Variants in ADGRL3 observed in about 807,000 individuals in gnomAD.
ADGRL3 encodes the protein calcium-independent alpha-latrotoxin receptor 3.
A neutral mutation model predicts 153.5 loss-of-function variants in ADGRL3; 62 were observed. The observed-to-expected ratio is 0.40, with a 90% CI of 0.33 to 0.50. ADGRL3 has a LOEUF of 0.50. Ranked by LOEUF, ADGRL3 falls within the 20% of genes least tolerant of loss-of-function variation. The pLI is 0.47. For synonymous variants in ADGRL3, 710 were observed against 672.5 expected (o/e 1.06, Z -0.86); for missense variants, 1,641 against 1,859.4 (o/e 0.88, Z 2.16).
At chr4:61,425,625 T>A (rs2097268075) in intron 2 of ADGRL3, among the ~76,000 whole-genome samples, 1 of 152,168 alleles carries the variant, frequency 6.6e-6, no homozygotes, top group Non-Finnish European at 1.5e-5. Flanking sequence ...CTGCCCAGGG[T>A]GGTGCTCCCC....
intron 22 of ADGRL3, among the ~76,000 whole-genome samples, chr4:62,030,758 T>G (rs1379752890): frequency 1.3e-5 from 2 of 151,498 alleles, no homozygotes; most frequent in Non-Finnish European, 3.0e-5. Context: ...TCCAAATGAC[T>G]GATTTCTAAA....
intron 1 of ADGRL3, among the ~76,000 whole-genome samples, chr4:61,317,614 G>A (rs1191851648): frequency 6.6e-6 from 1 of 152,118 alleles, no homozygotes; most frequent in Non-Finnish European, 1.5e-5. Flanking sequence ...TTGAAGGACA[G>A]AGGAGAATGA....
intron 8 of ADGRL3, among the ~76,000 whole-genome samples, chr4:61,779,633 C>CA (rs1174232668): frequency 0.1 from 4,238 of 42,000 alleles, 535 homozygotes; most frequent in Non-Finnish European, 0.11. Flanking sequence ...GACTCTGTCT[C>CA]AAAAAAAAAA....
chr4:61,607,896 G>T (rs2149629055), intron 5 of ADGRL3, among the ~76,000 whole-genome samples: 1 of 152,276 alleles, frequency 6.6e-6, no homozygotes, highest in South Asian at 2.1e-4. Context: ...TGTGGTTAGG[G>T]TTAGCCTGGC....
chr4:61,618,147 C>G (rs549356224), intron 5 of ADGRL3, among the ~76,000 whole-genome samples: 8 of 152,120 alleles, frequency 5.3e-5, no homozygotes, highest in Admixed American at 5.2e-4. Context: ...ACCTTAAAAC[C>G]AAGGGAGAGT....
intron 1 of ADGRL3, among the ~76,000 whole-genome samples, chr4:61,311,913 G>A (rs148434791): frequency 6.6e-5 from 10 of 152,248 alleles, no homozygotes; most frequent in African/African-American, 2.4e-4. Context: ...ATGTGTCAAT[G>A]CAGGTATATT....
intron 4 of ADGRL3, among the ~76,000 whole-genome samples, chr4:61,567,530 G>A (rs1328479099): frequency 6.6e-6 from 1 of 152,124 alleles, no homozygotes; most frequent in African/African-American, 2.4e-5. Context: ...TATGAGGAAG[G>A]GGTCCTCACT....
At chr4:61,606,412 C>G (rs933940997) in intron 5 of ADGRL3, among the ~76,000 whole-genome samples, 5 of 152,154 alleles carry the variant, frequency 3.3e-5, no homozygotes, top group African/African-American at 1.2e-4. Context: ...AATGTATTTT[C>G]TCACATTTCT....
At chr4:61,436,340 T>C (rs2097445096) in intron 2 of ADGRL3, among the ~76,000 whole-genome samples, 1 of 152,192 alleles carries the variant, frequency 6.6e-6, no homozygotes, top group Non-Finnish European at 1.5e-5. Context: ...CTTCTTAACT[T>C]ACATTTTGGA....
intron 2 of ADGRL3, among the ~76,000 whole-genome samples, chr4:61,403,078 A>C (rs2096950867): frequency 6.7e-6 from 1 of 149,872 alleles, no homozygotes; most frequent in Non-Finnish European, 1.5e-5. Context: ...AGGGAGCGGG[A>C]ACTCTCTGGT....
Position 62,007,383 on chromosome 4 carries a change from T to TATATACACAC in ADGRL3, c.3395+9119_3395+9120insTATACACACA, listed in dbSNP as rs71213024. Among the ~76,000 whole-genome samples the TATATACACAC allele has an allele frequency of 9.8e-4, 30 of 30,766 alleles. 1 individual carries two copies. Among genetic ancestry groups the TATATACACAC allele is most frequent in the Non-Finnish European group, 1.4e-3 (22 of 15,428 alleles). 20.2% of individuals were successfully genotyped at this position (30,766 alleles called of 152,430 possible). A position where few individuals can be genotyped will look rare whatever the true frequency, so the allele number is the denominator to read the frequency against. Reference sequence around the variant, plus strand: ...ATATATATATATATATATATATATATACACACACACACATATATATATACA... The same window carrying TATATACACAC: ...ATATATATATATATATATATATATATATATACACACACACACACACACATATATATATACA... On this transcript the variant is annotated intron_variant, in intron 21 of 26. Coordinates refer to ENST00000683033, the MANE Select transcript of ADGRL3 (RefSeq NM_001387552.1).
At chr4:61,725,782 T>G (rs2096324198) in intron 6 of ADGRL3, among the ~76,000 whole-genome samples, 1 of 149,002 alleles carries the variant, frequency 6.7e-6, no homozygotes, top group African/African-American at 2.5e-5. Flanking sequence ...AGAGCAAGAG[T>G]ACAACAATTA....
intron 1 of ADGRL3, among the ~76,000 whole-genome samples, chr4:61,260,352 C>A (rs1381366712): frequency 6.6e-6 from 1 of 152,156 alleles, no homozygotes; most frequent in African/African-American, 2.4e-5. Context: ...CTGTTCTTTT[C>A]TCTGAGCATC....
chr4:61,426,446 T>TGATG (rs1553926525), intron 2 of ADGRL3, among the ~76,000 whole-genome samples: 1 of 151,906 alleles, frequency 6.6e-6, no homozygotes, highest in Admixed American at 6.6e-5. Context: ...CCATCGGGAA[T>TGATG]GGGGGGGTGC....
intron 23 of ADGRL3, among the ~76,000 whole-genome samples, chr4:62,035,072 T>C (rs1180397670): frequency 6.6e-6 from 1 of 152,044 alleles, no homozygotes; most frequent in African/African-American, 2.4e-5. Context: ...TGCTTTTTTG[T>C]AATCTAAAAA....
At chr4:61,358,368 T>C (rs897181413) in intron 1 of ADGRL3, among the ~76,000 whole-genome samples, 125 of 152,006 alleles carry the variant, frequency 8.2e-4, no homozygotes, top group African/African-American at 2.9e-3. Context: ...GAGGCCAAGG[T>C]GGGCGGATCA....
intron 1 of ADGRL3, among the ~76,000 whole-genome samples, chr4:61,276,731 A>G (rs911028030): frequency 6.6e-6 from 1 of 152,138 alleles, no homozygotes; most frequent in Admixed American, 6.6e-5. Context: ...GTAAGAAGAC[A>G]ACTGAAATTT....
chr4:61,780,662 G>C (rs140269213), intron 8 of ADGRL3, among the ~76,000 whole-genome samples: 25 of 152,248 alleles, frequency 1.6e-4, no homozygotes, highest in African/African-American at 5.8e-4. Flanking sequence ...CATTCCCACT[G>C]ATTTCCCTAA....
intron 1 of ADGRL3, among the ~76,000 whole-genome samples, chr4:61,359,857 T>A (rs963418853): frequency 3.7e-4 from 56 of 152,212 alleles, no homozygotes; most frequent in African/African-American, 1.3e-3. Context: ...TAATTAAATA[T>A]TCATTGAATG....
Sources: allele counts gnomAD v4.1 joint callset (sites outside exome capture counted in the v4.1 genomes callset), GRCh38; gene constraint gnomAD v4.1.1; transcripts MANE v1.5; gene names NCBI Gene and HGNC (gene_info 2026-07-23, HGNC 2026-07-21).